The following CENPI variants were observed in gnomAD, a reference collection of about 807,000 sequenced individuals.
CENPI encodes the protein FSH primary response 1.
CENPI carries 4 observed loss-of-function variants against 60.4 expected under a neutral mutation model. That is an observed-to-expected ratio of 0.07 (90% confidence interval 0.03 to 0.15). CENPI has a LOEUF of 0.15. Ranked by LOEUF, CENPI falls within the 10% of genes least tolerant of loss-of-function variation. The probability of loss-of-function intolerance (pLI) is 1.00; values close to 1 mark genes in which losing one functional copy is unlikely to be tolerated. For missense variants in CENPI, 444 were observed against 534.5 expected, an observed-to-expected ratio of 0.83 and a Z score of 1.67; for synonymous variants, 157 against 189.4, an observed-to-expected ratio of 0.83 and a Z score of 1.40.
intron 6 of CENPI, among the ~76,000 whole-genome samples, chrX:101,114,282 A>C (rs985432863): frequency 8.9e-6 from 1 of 111,754 alleles, no homozygotes; most frequent in Non-Finnish European, 1.9e-5. Context: ...CCAACCAACA[A>C]ACAAACACAG....
intron 15 of CENPI, among the ~76,000 whole-genome samples, chrX:101,140,379 T>C (rs927751259): frequency 1.8e-5 from 2 of 112,239 alleles, no homozygotes; most frequent in Non-Finnish European, 3.8e-5. Flanking sequence ...TATTTGATGA[T>C]GTAATAGTTG....
chrX:101,128,866 A>G (rs1168334260), intron 12 of CENPI, 30 bp downstream of exon 12: 1 of 1,186,136 alleles, frequency 8.4e-7, no homozygotes, highest in Non-Finnish European at 1.1e-6. Context: ...GGACCAAGAT[A>G]GTTAACAAAT....
the CENPI span, among the ~76,000 whole-genome samples, chrX:101,177,785 C>CCGAT: frequency 8.9e-6 from 1 of 112,020 alleles, no homozygotes. Flanking sequence ...AGGATCCTTG[C>CCGAT]CGATGCCTTC....
downstream of CENPI, among the ~76,000 whole-genome samples, chrX:101,168,184 T>A (rs1258535033): frequency 8.9e-6 from 1 of 112,866 alleles, no homozygotes; most frequent in Non-Finnish European, 1.9e-5. Context: ...GCTTTGCTAT[T>A]AGTTCCTGAC....
intron 4 of CENPI, among the ~76,000 whole-genome samples, chrX:101,107,107 T>C (rs1259939673): frequency 1.9e-5 from 2 of 106,129 alleles, no homozygotes; most frequent in African/African-American, 6.8e-5. Context: ...TCTGCTACTC[T>C]CCCCACTTTT....
intron 13 of CENPI, 27 bp downstream of exon 13, chrX:101,130,100 C>G (rs1437070849): frequency 1.0e-6 from 1 of 991,503 alleles, no homozygotes; most frequent in Non-Finnish European, 1.4e-6. Flanking sequence ...TTCTTCCACT[C>G]TCCACCACTC....
At position 101,140,721 on chromosome X, in the gene CENPI, C is replaced by A. The variant is rs1395663097; in HGVS notation, c.1526C>A (p.Ser509Tyr). 8.3e-7 allele frequency: 1 copy of A among 1,205,495 alleles called. No individual in the cohort carries two copies. Among genetic ancestry groups the A allele is most frequent in the South Asian group, 1.8e-5 (1 of 56,842 alleles). Reference protein sequence around the residue: ...ELLQNWLLWLSMDIHMKPVTN... With the variant: ...ELLQNWLLWLYMDIHMKPVTN... ...TTGCAGAATTGGCTGTTGTGGCTTTCTATGGACATTCACATGAAACCTGTT... is the reference window on the plus strand; with the variant it reads ...TTGCAGAATTGGCTGTTGTGGCTTTATATGGACATTCACATGAAACCTGTT... Residue 509 changes from serine to tyrosine, a missense_variant, in exon 16 of 22, where the codon TCT becomes TAT. By Grantham distance (144) the Ser-to-Tyr change is moderately radical (BLOSUM62 -2). Coordinates refer to ENST00000682095, the MANE Select transcript of CENPI (RefSeq NM_001386188.2).
rs775920016 is a variant in CENPI, at chrX:101,138,455, AGCCTCCTGAGTAGCT to A, written c.1471-2209_1471-2195del. On this transcript the variant is annotated intron_variant, in intron 15 of 21. Transcript: ENST00000682095. ...CTGGTTCAAGCAATTCTCCTGCCTC[AGCCTCCTGAGTAGCT>A]GGGATTACAGACATGCCCAGCTAAT... Among the ~76,000 whole-genome samples the A allele has an allele frequency of 6.4e-5, 7 of 108,835 alleles. No homozygotes were observed. In the South Asian group the frequency reaches 2.9e-3, roughly 44 times the overall value. 94.5% of individuals were successfully genotyped at this position (108,835 alleles called of 115,157 possible).
chrX:101,166,744 A>G (rs2148275486), downstream of CENPI, among the ~76,000 whole-genome samples: 1 of 112,504 alleles, frequency 8.9e-6, no homozygotes, highest in East Asian at 2.8e-4. Context: ...TAAAGTTGCT[A>G]TTAGAGTTCT....
the CENPI span, among the ~76,000 whole-genome samples, chrX:101,178,398 C>CTTTTTTTTT: frequency 0.013 from 516 of 39,972 alleles, 77 homozygotes; most frequent in Non-Finnish European, 0.018. Flanking sequence ...TTTTCTTCTT[C>CTTTTTTTTT]TTTTTTTTTT....
intron 6 of CENPI, among the ~76,000 whole-genome samples, chrX:101,113,771 C>T (rs1278259214): frequency 8.9e-6 from 1 of 112,117 alleles, no homozygotes; most frequent in East Asian, 2.8e-4. Context: ...TGATGGCAAA[C>T]TCTTTGTCTG....
rs1197935069 is a variant in CENPI at position 101,127,145 on chromosome X, T to C, written c.785T>C (p.Phe262Ser). The C allele has an allele frequency of 8.5e-7, 1 of 1,174,299 alleles. No homozygotes were observed. Among genetic ancestry groups the C allele is most frequent in the Non-Finnish European group, 1.1e-6 (1 of 877,949 alleles). Residue 262 changes from phenylalanine to serine, a missense_variant, in exon 10 of 22, where the codon TTT becomes TCT. Phe to Ser is a radical substitution (Grantham distance 155). Coordinates refer to ENST00000682095, the MANE Select transcript of CENPI (RefSeq NM_001386188.2). The part of the protein sequence containing the change: ...VSLPVRKKIY[F>S]KNSENLWKTA... ...TTATATCCAAATTTATAGATATATT[T>C]TAAGAATTCAGAGAATCTATGGAAG...
Position 101,150,257 on chromosome X carries a change from C to A in CENPI, c.2094+2096C>A, listed in dbSNP as rs191986610. 6.6e-5 allele frequency among the ~76,000 whole-genome samples: 7 copies of A among 106,173 alleles called. No individual in the cohort carries two copies. In the East Asian group the frequency reaches 1.5e-3, roughly 22 times the overall value. 92.2% of individuals were successfully genotyped at this position (106,173 alleles called of 115,157 possible). ...ATTTTAAATGTTTGCAGGTCTTTTT[C>A]CCCCTGCACTAAATCCTTCTACAAA... On this transcript the variant is annotated intron_variant, in intron 20 of 21. Transcript: ENST00000682095.
At chrX:101,120,289 G>A (rs1473952388) in intron 6 of CENPI, 113 bp from the exon 7 acceptor site, 3 of 390,563 alleles carry the variant, frequency 7.7e-6, no homozygotes, top group Non-Finnish European at 1.4e-5. Flanking sequence ...GTTCAGTGAA[G>A]TCCTGAAGGT....
chrX:101,171,952 G>A, the CENPI span, among the ~76,000 whole-genome samples: 3 of 111,770 alleles, frequency 2.7e-5, no homozygotes, highest in Non-Finnish European at 5.6e-5. Context: ...ATTTTATTCC[G>A]AATATATAAA....
intron 12 of CENPI, among the ~76,000 whole-genome samples, chrX:101,129,683 C>G (rs1373661718): frequency 2.7e-5 from 3 of 112,066 alleles, no homozygotes; most frequent in Non-Finnish European, 3.8e-5. Context: ...GATGTTTGTA[C>G]TTTCTTGGAT....
intron 6 of CENPI, among the ~76,000 whole-genome samples, chrX:101,110,803 A>G (rs1181796003): frequency 1.8e-5 from 2 of 111,443 alleles, no homozygotes; most frequent in Non-Finnish European, 3.8e-5. Context: ...TTTGAGGATA[A>G]TAATTGCTGT....
Position 101,101,276 on chromosome X carries a change from C to T in CENPI, c.206C>T (p.Ala69Val). The T allele has an allele frequency of 8.4e-7, 1 of 1,191,156 alleles. No individual in the cohort carries two copies. Among genetic ancestry groups the T allele is most frequent in the Non-Finnish European group, 1.1e-6 (1 of 877,095 alleles). ...GCTGAAGAAGATGCTTTGCAAATGGCAGTGGGATATTTTGAGAAAGGTAAA... is the reference window on the plus strand; with the variant it reads ...GCTGAAGAAGATGCTTTGCAAATGGTAGTGGGATATTTTGAGAAAGGTAAA... ...DQAEEDALQMAVGYFEKGPIK... is the reference protein window; with the variant it reads ...DQAEEDALQMVVGYFEKGPIK... The change falls in exon 3 of 22, where the codon GCA becomes GTA. Residue 69 changes from alanine to valine, a missense_variant. Physicochemically the swap from Ala to Val is moderately conservative, Grantham distance 64. Coordinates refer to ENST00000682095, the MANE Select transcript of CENPI (RefSeq NM_001386188.2).
At chrX:101,149,994 C>T (rs1169909662) in intron 20 of CENPI, among the ~76,000 whole-genome samples, 3 of 110,317 alleles carry the variant, frequency 2.7e-5, no homozygotes, top group Non-Finnish European at 5.7e-5. Context: ...GGACTAGATG[C>T]TGAGGAAAAT....
Sources: gnomAD v4.1 joint callset for allele counts (sites outside exome capture counted in the v4.1 genomes callset) on GRCh38, gnomAD v4.1.1 for gene constraint, MANE v1.5 for transcripts, NCBI Gene and HGNC (gene_info 2026-07-23, HGNC 2026-07-21) for gene names.